BAZ2A: variants seen among roughly 807,000 people sequenced by gnomAD.
The protein encoded by BAZ2A is bromodomain adjacent to zinc finger domain 2A.
Under a neutral mutation model 199.9 loss-of-function variants are expected in BAZ2A, and 34 were observed. That is an observed-to-expected ratio of 0.17 (90% confidence interval 0.13 to 0.23). BAZ2A has a LOEUF of 0.23. Ranked by LOEUF, BAZ2A falls within the 10% of genes least tolerant of loss-of-function variation. The probability of loss-of-function intolerance (pLI) is 1.00; values close to 1 mark genes in which losing one functional copy is unlikely to be tolerated. For missense variants in BAZ2A, 2,002 were observed against 2,391.1 expected, an observed-to-expected ratio of 0.84 and a Z score of 3.39; for synonymous variants, 857 against 883.9, an observed-to-expected ratio of 0.97 and a Z score of 0.54.
At chr12:56,627,483 A>C (rs1592625082) in intron 1 of BAZ2A, among the ~76,000 whole-genome samples, 1 of 151,234 alleles carries the variant, frequency 6.6e-6, no homozygotes, top group East Asian at 1.9e-4. Flanking sequence ...AAAAAAAAGA[A>C]AAAGAAAAAA....
intron 1 of BAZ2A, among the ~76,000 whole-genome samples, chr12:56,629,796 G>GGT (rs1951239667): frequency 6.6e-6 from 1 of 151,612 alleles, no homozygotes; most frequent in Non-Finnish European, 1.5e-5. Flanking sequence ...CCCCTCCCGG[G>GGT]GATTCCACCC....
At chr12:56,623,799 C>T (rs1001491717) in intron 1 of BAZ2A, among the ~76,000 whole-genome samples, 2 of 152,168 alleles carry the variant, frequency 1.3e-5, no homozygotes, top group African/African-American at 4.8e-5. Context: ...ATCAATAGTG[C>T]CAAGGCTGAG....
chr12:56,635,040 C>G (rs894441861), upstream of BAZ2A: 3 of 984,252 alleles, frequency 3.0e-6, no homozygotes, highest in African/African-American at 1.7e-5. This position sits in a 1 kb window ranked among gnomAD's most constrained non-coding sequence, Gnocchi z 4.1. Context: ...AGCCCTGGGC[C>G]GGCGGCGGCG....
chr12:56,612,686 AAT>A (rs1384316305), intron 5 of BAZ2A, among the ~76,000 whole-genome samples: 2 of 152,126 alleles, frequency 1.3e-5, no homozygotes, highest in Non-Finnish European at 2.9e-5. Context: ...GCAACGACAC[AAT>A]CTCGGCTCAC....
At chr12:56,636,281 T>G in exon 1 of BAZ2A, 2 of 1,538,788 alleles carry the variant, frequency 1.3e-6, no homozygotes, top group South Asian at 2.4e-5. Flanking sequence ...CCTCCCAAAC[T>G]GTGAGCTGGG....
chr12:56,610,762 T>C (rs949087476), intron 7 of BAZ2A, among the ~76,000 whole-genome samples: 1 of 152,028 alleles, frequency 6.6e-6, no homozygotes, highest in East Asian at 1.9e-4. Flanking sequence ...GAGATCTCCA[T>C]CCCTCCTTTA....
In BAZ2A at chr12:56,605,817, C is replaced by G. The variant is rs771327336; in HGVS notation, c.2493+13G>C. 1.2e-6 allele frequency: 2 copies of G among 1,601,748 alleles called. No homozygotes were observed. The highest frequency in any genetic ancestry group is 1.1e-5 in the South Asian group (1 of 88,790). ...CCCAGCTGACCCAGGAACTGTTACT[C>G]TCTCCTCACTACCTGGTGGTCAGTC... On this transcript the variant is annotated intron_variant, in intron 13 of 28. Coordinates refer to ENST00000549884, the MANE Select transcript of BAZ2A (RefSeq NM_001300905.2).
chr12:56,596,592 A>G lies in BAZ2A; in HGVS notation c.*2026T>C, dbSNP rs914855329. 6.6e-6 allele frequency: 1 copy of G among 152,664 alleles called. No individual in the cohort carries two copies. Among genetic ancestry groups the G allele is most frequent in the Admixed American group, 6.5e-5 (1 of 15,288 alleles). 9.5% of individuals were successfully genotyped at this position (152,664 alleles called of 1,614,324 possible). A position where few individuals can be genotyped will look rare whatever the true frequency, so the allele number is the denominator to read the frequency against. ...CCCCATCCACCTCACAATGAAATTA[A>G]TCTAGCACATCTTATACCAGGGGAA... On this transcript the variant is annotated 3_prime_UTR_variant, in exon 29 of 29. Transcript: ENST00000549884.
exon 1 of BAZ2A, chr12:56,636,356 G>T: frequency 6.9e-7 from 1 of 1,440,034 alleles, no homozygotes; most frequent in Non-Finnish European, 9.2e-7. Context: ...ACTGCTGTAG[G>T]GTGATGTCCC....
rs557562055 is a variant in BAZ2A at position 56,604,685 on chromosome 12, G to A, written c.2863C>T (p.Arg955Cys). The part of the protein sequence containing the change: ...AYGVEPALCD[R>C]LRTQPFQAQP... ...GCCTGAAAAGGCTGGGTGCGCAGGCGGTCACAGAGGGCTGGCTCTACTCCA... is the reference window on the plus strand; with the variant it reads ...GCCTGAAAAGGCTGGGTGCGCAGGCAGTCACAGAGGGCTGGCTCTACTCCA... The change falls in exon 15 of 29, where the codon CGC becomes TGC. Residue 955 changes from arginine to cysteine, a missense_variant. Physicochemically the swap from Arg to Cys is radical, Grantham distance 180 (BLOSUM62 -3). This residue lies in a region of BAZ2A where 1,081 missense variants were observed against 1,274.7 expected (regional missense o/e 0.85). Coordinates refer to ENST00000549884, the MANE Select transcript of BAZ2A (RefSeq NM_001300905.2). 18 of 1,612,916 alleles carry A rather than the reference G, an allele frequency of 1.1e-5. No homozygotes were observed. The highest frequency in any genetic ancestry group is 1.7e-5 in the Admixed American group (1 of 59,862).
intron 5 of BAZ2A, among the ~76,000 whole-genome samples, 196 bp from the exon 6 acceptor site, chr12:56,612,442 G>A (rs1263989424): frequency 1.3e-5 from 2 of 152,166 alleles, no homozygotes; most frequent in Non-Finnish European, 2.9e-5. Context: ...AGATGTCATT[G>A]TGTGAAGAAA....
At chr12:56,627,965 T>C (rs1419777414) in intron 1 of BAZ2A, among the ~76,000 whole-genome samples, 1 of 151,330 alleles carries the variant, frequency 6.6e-6, no homozygotes, top group Non-Finnish European at 1.5e-5. Flanking sequence ...GTAGATCACC[T>C]GAGGTCAGGA....
At position 56,630,267 on chromosome 12, in the gene BAZ2A, G is replaced by A. The variant is rs984176749; in HGVS notation, c.-145C>T. On this transcript the variant is annotated 5_prime_UTR_variant, in exon 1 of 29. Transcript: ENST00000549884. Reference sequence around the variant, plus strand: ...GGGGTCCGGGGTTCGGGAAGGGGGAGGGGGACGCGGCTCAACCGCGGGGCC... The same window carrying A: ...GGGGTCCGGGGTTCGGGAAGGGGGAAGGGGACGCGGCTCAACCGCGGGGCC... 2 of 983,618 alleles carry A rather than the reference G, an allele frequency of 2.0e-6. No homozygotes were observed. The highest frequency in any genetic ancestry group is 2.4e-6 in the Non-Finnish European group (2 of 828,348). The allele number at this position is 983,618 out of a possible 1,614,324, so 60.9% of individuals were successfully genotyped here. A position where few individuals can be genotyped will look rare whatever the true frequency, so the allele number is the denominator to read the frequency against.
At chr12:56,629,488 C>T (rs145014377) in intron 1 of BAZ2A, among the ~76,000 whole-genome samples, 1 of 152,262 alleles carries the variant, frequency 6.6e-6, no homozygotes, top group Non-Finnish European at 1.5e-5. Flanking sequence ...AAAGCCTCAG[C>T]GGAAGCCCTA....
chr12:56,602,256 T>G, intron 19 of BAZ2A, 64 bp from the exon 20 acceptor site: 3 of 1,361,218 alleles, frequency 2.2e-6, no homozygotes, highest in Non-Finnish European at 3.0e-6. Context: ...AGAGGGTATA[T>G]AAACTTAGGA....
chr12:56,603,799 G>A, intron 16 of BAZ2A, 99 bp from the exon 17 acceptor site: 1 of 1,372,508 alleles, frequency 7.3e-7, no homozygotes, highest in Non-Finnish European at 9.9e-7. Context: ...GATCACCTGA[G>A]GTCAGGAGTT....
rs369661356 is a variant in BAZ2A, at chr12:56,617,439, A to G, written c.92T>C (p.Leu31Pro). The G allele has an allele frequency of 2.2e-4, 346 of 1,606,190 alleles. No individual in the cohort carries two copies. The highest frequency in any genetic ancestry group is 2.9e-4 in the Non-Finnish European group (336 of 1,176,552). The change falls in exon 2 of 29, where the codon CTC becomes CCC. Residue 31 changes from leucine (L) to proline (P), a missense_variant. Coordinates refer to ENST00000549884, the MANE Select transcript of BAZ2A (RefSeq NM_001300905.2). Reference protein sequence around the residue: ...LKPSPSSGEGLYTNGSPMNFP... With the variant: ...LKPSPSSGEGPYTNGSPMNFP... The stretch of plus-strand genomic sequence containing the variant: ...GTTCATGGGAGACCCGTTAGTGTAG[A>G]GGCCCTCCCCTGAGGAAGGAGAGGG...
intron 1 of BAZ2A, among the ~76,000 whole-genome samples, chr12:56,619,103 G>C (rs1950820103): frequency 6.6e-6 from 1 of 151,640 alleles, no homozygotes; most frequent in African/African-American, 2.4e-5. Flanking sequence ...CAGCACTTTG[G>C]GAGGCCGAGG....
intron 5 of BAZ2A, 63 bp from the exon 6 acceptor site, chr12:56,612,309 A>C: frequency 7.1e-6 from 10 of 1,401,510 alleles, no homozygotes; most frequent in African/African-American, 1.4e-5. Flanking sequence ...AAACAAGAGA[A>C]TCTACTCAGT....
Sources: gnomAD v4.1 joint callset for allele counts (sites outside exome capture counted in the v4.1 genomes callset) on GRCh38, gnomAD v4.1.1 for gene constraint, gnomAD v4.1.1 regional missense constraint, Gnocchi (gnomAD v3.1) non-coding constraint, MANE v1.5 for transcripts, NCBI Gene and HGNC (gene_info 2026-07-23, HGNC 2026-07-21) for gene names.